The following PTPN21 variants were observed in gnomAD, a reference collection of about 807,000 sequenced individuals.
The protein encoded by PTPN21 is tyrosine-protein phosphatase non-receptor type 21.
Under a neutral mutation model 131.8 loss-of-function variants are expected in PTPN21, and 77 were observed. The ratio of observed to expected loss-of-function variants is 0.58; its 90% CI spans 0.49 to 0.71. PTPN21 has a LOEUF of 0.71. PTPN21 is among the 30% of genes least tolerant of loss of function. The pLI, the probability that PTPN21 is intolerant of heterozygous loss-of-function variation, is 0.00. For missense variants in PTPN21, 1,552 were observed against 1,527.1 expected, an observed-to-expected ratio of 1.02 and a Z score of -0.27; for synonymous variants, 715 against 621.3, an observed-to-expected ratio of 1.15 and a Z score of -2.24.
chr14:88,508,155 T>TTC, intron 3 of PTPN21, 135 bp from the exon 4 acceptor site: 1 of 471,624 alleles, frequency 2.1e-6, no homozygotes, highest in East Asian at 3.6e-5. Flanking sequence ...TGTGTGTTTT[T>TTC]TTTTTTTTTT....
chr14:88,483,483 T>C (rs1417726778), intron 12 of PTPN21, among the ~76,000 whole-genome samples: 1 of 152,064 alleles, frequency 6.6e-6, no homozygotes, highest in African/African-American at 2.4e-5. Context: ...AGCCCTGCTC[T>C]CTACTACCCA....
intron 2 of PTPN21, among the ~76,000 whole-genome samples, chr14:88,523,753 A>ACACC (rs1319535309): frequency 3.2e-5 from 4 of 124,940 alleles, no homozygotes; most frequent in Non-Finnish European, 7.4e-5. Context: ...ACACACACAC[A>ACACC]CACCCCTGCC....
intron 2 of PTPN21, among the ~76,000 whole-genome samples, chr14:88,544,668 A>G (rs1458861587): frequency 6.6e-6 from 1 of 152,188 alleles, no homozygotes; most frequent in Non-Finnish European, 1.5e-5. Context: ...TGAATACTGC[A>G]GACTGTCTTA....
chr14:88,514,883 T>C (rs889886449), intron 3 of PTPN21: 1 of 152,182 alleles, frequency 6.6e-6, no homozygotes, highest in African/African-American at 2.4e-5. Context: ...GACACATATA[T>C]ATATCCATGA....
intron 3 of PTPN21, among the ~76,000 whole-genome samples, chr14:88,513,162 C>CT (rs936485209): frequency 3.3e-5 from 5 of 151,798 alleles, no homozygotes; most frequent in Admixed American, 6.6e-5. Context: ...CAGTTGTATT[C>CT]TTTTTTTTGT....
At chr14:88,481,991 C>T (rs574086878) in intron 12 of PTPN21, among the ~76,000 whole-genome samples, 4 of 152,384 alleles carry the variant, frequency 2.6e-5, no homozygotes, top group African/African-American at 7.2e-5. Flanking sequence ...CAAGCCCCTA[C>T]GGCAGACTCA....
intron 2 of PTPN21, among the ~76,000 whole-genome samples, chr14:88,527,399 A>G (rs1595402898): frequency 6.6e-6 from 1 of 152,194 alleles, no homozygotes; most frequent in East Asian, 1.9e-4. Flanking sequence ...CATTTTCCTC[A>G]TAATTAGTGA....
intron 13 of PTPN21, among the ~76,000 whole-genome samples, chr14:88,475,662 G>A (rs74072659): frequency 0.037 from 5,631 of 152,244 alleles, 349 homozygotes; most frequent in African/African-American, 0.13. Flanking sequence ...AGTTTTGATC[G>A]GTGTTTGCCC....
At position 88,507,932 on chromosome 14, in the gene PTPN21, C is replaced by T. The variant is rs373299637; in HGVS notation, c.439G>A (p.Ala147Thr). The change falls in exon 4 of 19, where the codon GCT becomes ACT. Residue 147 changes from alanine (A) to threonine (T), a missense_variant. Ala to Thr is a moderately conservative substitution (Grantham distance 58, BLOSUM62 0). This residue lies in a region of PTPN21 where 206 missense variants were observed against 221.6 expected (regional missense o/e 0.93). Transcript: ENST00000556564. ...LEQAIQLAGL[A>T]VQADFGDFDQ... is the part of the protein sequence containing the mutation. ...AATTGATCTTATTTACCTTGAACAG[C>T]TAAGCCTGCTAGCTGAATTGCTTGT... The T allele has an allele frequency of 6.3e-7, 1 of 1,594,114 alleles. No homozygotes were observed. The highest frequency in any genetic ancestry group is 8.6e-7 in the Non-Finnish European group (1 of 1,166,644).
At chr14:88,548,400 G>T (rs1415417751) in intron 2 of PTPN21, among the ~76,000 whole-genome samples, 1 of 152,140 alleles carries the variant, frequency 6.6e-6, no homozygotes, top group East Asian at 1.9e-4. Context: ...GTCCTGTGCA[G>T]TTCTCTTTGT....
chr14:88,499,989 A>G (rs1053095883), intron 8 of PTPN21, among the ~76,000 whole-genome samples: 4 of 152,238 alleles, frequency 2.6e-5, no homozygotes, highest in African/African-American at 9.6e-5. Context: ...CTTGCTTCAC[A>G]TTCCAAGATT....
intron 4 of PTPN21, among the ~76,000 whole-genome samples, chr14:88,507,240 A>T (rs1167212029): frequency 3.3e-5 from 5 of 152,206 alleles, no homozygotes; most frequent in African/African-American, 1.2e-4. Flanking sequence ...CTATTAGCAG[A>T]CAAAGTCTTT....
chr14:88,548,298 T>C (rs1249662981), intron 2 of PTPN21, among the ~76,000 whole-genome samples: 1 of 152,168 alleles, frequency 6.6e-6, no homozygotes, highest in Non-Finnish European at 1.5e-5. Context: ...TCTAAATCCT[T>C]TAACAAAAAA....
intron 2 of PTPN21, among the ~76,000 whole-genome samples, chr14:88,548,837 C>T (rs2078819844): frequency 6.6e-6 from 1 of 152,184 alleles, no homozygotes; most frequent in Admixed American, 6.5e-5. Flanking sequence ...TATATGGATA[C>T]ATGAGTACTC....
chr14:88,476,322 T>C (rs141672418), intron 13 of PTPN21, among the ~76,000 whole-genome samples: 170 of 152,328 alleles, frequency 1.1e-3, no homozygotes, highest in African/African-American at 3.9e-3. Context: ...CACCTCACAG[T>C]AATGTTAATA....
chr14:88,505,788 A>T (rs1229689746), intron 4 of PTPN21, among the ~76,000 whole-genome samples: 1 of 152,228 alleles, frequency 6.6e-6, no homozygotes, highest in Non-Finnish European at 1.5e-5. Context: ...TTTGTGTTGA[A>T]ATTTTTAATA....
At chr14:88,490,813 G>A (rs144929598) in intron 10 of PTPN21, among the ~76,000 whole-genome samples, 1 of 152,188 alleles carries the variant, frequency 6.6e-6, no homozygotes, top group Non-Finnish European at 1.5e-5. Flanking sequence ...CCCTTCTGGA[G>A]AAAGTCTCTT....
At chr14:88,495,153 C>T (rs968731607) in intron 10 of PTPN21, among the ~76,000 whole-genome samples, 2 of 151,002 alleles carry the variant, frequency 1.3e-5, no homozygotes, top group African/African-American at 2.5e-5. Flanking sequence ...CAGAAGGCTA[C>T]CTCAGTATTC....
chr14:88,500,680 G>T, intron 8 of PTPN21, 103 bp downstream of exon 8: 1 of 772,582 alleles, frequency 1.3e-6, no homozygotes, highest in South Asian at 1.7e-5. Flanking sequence ...TTTTTAATGA[G>T]ACCTTGGTAT....
Sources: gnomAD v4.1 joint callset for allele counts (sites outside exome capture counted in the v4.1 genomes callset) on GRCh38, gnomAD v4.1.1 for gene constraint, gnomAD v4.1.1 regional missense constraint, MANE v1.5 for transcripts, NCBI Gene and HGNC (gene_info 2026-07-23, HGNC 2026-07-21) for gene names.